Variants in RABGAP1L observed in about 807,000 individuals in gnomAD.
The protein encoded by RABGAP1L is RAB GTPase activating protein 1 like, also known as rab GTPase-activating protein 1-like.
In RABGAP1L, 63 loss-of-function variants were observed where a neutral mutation model predicts 137.7. The observed-to-expected ratio is 0.46, with a 90% CI of 0.37 to 0.56. The LOEUF (loss-of-function observed/expected upper bound fraction) is 0.56, where lower values mean the gene tolerates loss of function less well. Ranked by LOEUF, RABGAP1L falls within the 20% of genes least tolerant of loss-of-function variation. The pLI is 0.00. For synonymous variants in RABGAP1L, 431 were observed against 433.7 expected, an observed-to-expected ratio of 0.99 and a Z score of 0.08; for missense variants, 1,095 against 1,244.0, an observed-to-expected ratio of 0.88 and a Z score of 1.80.
intron 19 of RABGAP1L, among the ~76,000 whole-genome samples, chr1:174,889,217 G>T (rs1655701424): frequency 6.6e-6 from 1 of 151,682 alleles, no homozygotes; most frequent in East Asian, 1.9e-4. Flanking sequence ...TCCGCCTCCG[G>T]GGTTCAAGCC....
At chr1:174,643,916 GGTGTGT>G (rs553946714) in intron 14 of RABGAP1L, among the ~76,000 whole-genome samples, 20 of 145,614 alleles carry the variant, frequency 1.4e-4, no homozygotes, top group Non-Finnish European at 1.2e-4. Flanking sequence ...CTTATATAGG[GGTGTGT>G]GTGTGTGTGT....
At chr1:174,800,407 C>G in intron 18 of RABGAP1L, 4 of 1,550,754 alleles carry the variant, frequency 2.6e-6, no homozygotes, top group East Asian at 2.4e-5. Flanking sequence ...AGGACATGCA[C>G]GACGAGAGGA....
intron 13 of RABGAP1L, among the ~76,000 whole-genome samples, chr1:174,624,225 G>T (rs1483805908): frequency 2.0e-5 from 3 of 152,104 alleles, no homozygotes; most frequent in Non-Finnish European, 4.4e-5. Flanking sequence ...TGTAGGTTTT[G>T]TTGAGCCCAG....
At chr1:174,758,430 T>A (rs1301153254) in intron 18 of RABGAP1L, among the ~76,000 whole-genome samples, 1 of 152,134 alleles carries the variant, frequency 6.6e-6, no homozygotes, top group African/African-American at 2.4e-5. Flanking sequence ...TTATTTTTTT[T>A]AATCCCTCAC....
intron 14 of RABGAP1L, among the ~76,000 whole-genome samples, chr1:174,646,108 A>G (rs1674948448): frequency 1.3e-5 from 2 of 152,224 alleles, no homozygotes; most frequent in African/African-American, 2.4e-5. Context: ...GATTCTGGAT[A>G]TTAGCCCTTG....
At chr1:174,960,511 C>G (rs904602560) in intron 20 of RABGAP1L, among the ~76,000 whole-genome samples, 1 of 151,976 alleles carries the variant, frequency 6.6e-6, no homozygotes, top group Non-Finnish European at 1.5e-5. Flanking sequence ...TTTTAAAACT[C>G]GACATATCTT....
At chr1:174,443,925 A>G (rs1654438558) in intron 13 of RABGAP1L, among the ~76,000 whole-genome samples, 2 of 152,004 alleles carry the variant, frequency 1.3e-5, no homozygotes, top group South Asian at 2.1e-4. Context: ...AGCAGCATTG[A>G]TGGAAGACAC....
At chr1:174,507,083 T>A (rs566477563) in intron 13 of RABGAP1L, among the ~76,000 whole-genome samples, 1 of 152,180 alleles carries the variant, frequency 6.6e-6, no homozygotes, top group African/African-American at 2.4e-5. Flanking sequence ...TTTTTACTTG[T>A]CAATTTAAAA....
intron 13 of RABGAP1L, among the ~76,000 whole-genome samples, chr1:174,433,829 C>T (rs1652922808): frequency 6.6e-6 from 1 of 152,094 alleles, no homozygotes; most frequent in African/African-American, 2.4e-5. Context: ...CTGGCAATGC[C>T]TTAAAATTCA....
At chr1:174,382,359 C>T (rs1302256463) in intron 12 of RABGAP1L, among the ~76,000 whole-genome samples, 383 of 31,060 alleles carry the variant, frequency 0.012, no homozygotes, top group Non-Finnish European at 0.016. Context: ...TGGGGAAGTT[C>T]TCCTGGATAA....
intron 12 of RABGAP1L, among the ~76,000 whole-genome samples, chr1:174,392,006 T>G (rs1045367078): frequency 1.5e-4 from 23 of 152,206 alleles, no homozygotes; most frequent in African/African-American, 5.5e-4. Flanking sequence ...GGCATAATAT[T>G]CCTTGTCAAA....
At chr1:174,168,175 G>T (rs986155403) in intron 1 of RABGAP1L, among the ~76,000 whole-genome samples, 1 of 142,090 alleles carries the variant, frequency 7.0e-6, no homozygotes, top group African/African-American at 2.7e-5. Flanking sequence ...TGAGGCACAA[G>T]AATCCCTTGA....
intron 4 of RABGAP1L, chr1:174,238,806 C>T (rs918643947): frequency 2.6e-5 from 4 of 151,870 alleles, no homozygotes; most frequent in Admixed American, 6.6e-5. Context: ...CCAGTTCGAG[C>T]TTCCCGGCTG....
At chr1:174,572,946 T>A (rs1231805314) in intron 13 of RABGAP1L, among the ~76,000 whole-genome samples, 3 of 151,652 alleles carry the variant, frequency 2.0e-5, no homozygotes, top group Non-Finnish European at 4.4e-5. Flanking sequence ...ATGTTGGCAG[T>A]TAATTAAGCC....
rs528430060 is a variant in RABGAP1L, at chr1:174,511,823, T to C, written c.1710+117678T>C. On this transcript the variant is annotated intron_variant, in intron 13 of 25. Transcript: ENST00000681986. ...TTTTAGTAGAGACGGGGTTTCTCCA[T>C]GTTGAGGCTGGTCACGAACTCCTGA... 5.3e-5 allele frequency among the ~76,000 whole-genome samples: 8 copies of C among 152,242 alleles called. No individual in the cohort carries two copies. In the East Asian group the frequency reaches 1.5e-3, roughly 29 times the overall value.
chr1:174,523,584 A>G (rs1663615637), intron 13 of RABGAP1L, among the ~76,000 whole-genome samples: 1 of 152,178 alleles, frequency 6.6e-6, no homozygotes, highest in South Asian at 2.1e-4. Context: ...TCAAGTCAGG[A>G]TATTTAGGGT....
chr1:174,874,578 C>CTTTTTT (rs10530813), intron 19 of RABGAP1L: 2 of 232,806 alleles, frequency 8.6e-6, no homozygotes, highest in Non-Finnish European at 1.1e-5. Flanking sequence ...ACACCACTGC[C>CTTTTTT]TTTTTTTTTT....
Position 174,333,735 on chromosome 1 carries a change from A to G in RABGAP1L, c.1465+28608A>G, listed in dbSNP as rs528675400. Among the ~76,000 whole-genome samples the G allele has an allele frequency of 2.0e-5, 3 of 152,336 alleles. No homozygotes were observed. In the East Asian group the frequency reaches 5.8e-4, roughly 29 times the overall value. ...CTATCATGGTAGTTTTTATTAGGGT[A>G]GGGCAACCTGTGGAAACCAGTAGCT... is the stretch of plus-strand genomic sequence containing the variant. On this transcript the variant is annotated intron_variant, in intron 11 of 25. Coordinates refer to ENST00000681986, the MANE Select transcript of RABGAP1L (RefSeq NM_001366446.1).
chr1:174,420,270 T>G (rs1253991657), intron 13 of RABGAP1L, among the ~76,000 whole-genome samples: 1 of 150,840 alleles, frequency 6.6e-6, no homozygotes, highest in African/African-American at 2.4e-5. Context: ...GACAAACAGC[T>G]CTCTGGGAAA....
Sources: gnomAD v4.1 joint callset for allele counts (sites outside exome capture counted in the v4.1 genomes callset) on GRCh38, gnomAD v4.1.1 for gene constraint, MANE v1.5 for transcripts, NCBI Gene and HGNC (gene_info 2026-07-23, HGNC 2026-07-21) for gene names.